The following MAML3 variants were observed in gnomAD, a reference collection of about 807,000 sequenced individuals.
MAML3 encodes mastermind-like protein 3.
A neutral mutation model predicts 101.9 loss-of-function variants in MAML3; 27 were observed. That is an observed-to-expected ratio of 0.27 (90% CI 0.20 to 0.37). MAML3 has a LOEUF of 0.37. MAML3 is among the 10% of genes least tolerant of loss of function. MAML3 has a pLI of 1.00. For missense variants in MAML3, 1,316 were observed against 1,444.9 expected (o/e 0.91, Z 1.45); for synonymous variants, 501 against 555.9 (o/e 0.90, Z 1.39).
chr4:139,888,379 T>C lies in MAML3; in HGVS notation c.2079+978A>G, dbSNP rs369614504. 3.3e-5 allele frequency among the ~76,000 whole-genome samples: 5 copies of C among 152,198 alleles called. No individual in the cohort carries two copies. In the East Asian group the frequency reaches 9.6e-4, roughly 29 times the overall value. ...TCCAAGTAAAATGACCATGTCTGCA[T>C]CCTGGAAGAATTGAGGCACAGCACA... On this transcript the variant is annotated intron_variant, in intron 2 of 4. Coordinates refer to ENST00000509479, the MANE Select transcript of MAML3 (RefSeq NM_018717.5).
At chr4:139,814,084 TATATC>T (rs1197593558) in intron 2 of MAML3, among the ~76,000 whole-genome samples, 2 of 149,564 alleles carry the variant, frequency 1.3e-5, no homozygotes, top group Non-Finnish European at 3.0e-5. Flanking sequence ...AAAGTTGTGA[TATATC>T]AATAAGTAGG....
intron 1 of MAML3, among the ~76,000 whole-genome samples, chr4:139,915,341 TC>T (rs1303996299): frequency 2.2e-4 from 33 of 152,220 alleles, no homozygotes; most frequent in African/African-American, 7.2e-4. Context: ...CAAGTTAATT[TC>T]CTTCAGTTAA....
At chr4:139,876,560 T>C (rs1732119066) in intron 2 of MAML3, among the ~76,000 whole-genome samples, 2 of 152,384 alleles carry the variant, frequency 1.3e-5, no homozygotes, top group South Asian at 2.1e-4. Context: ...ATTCGCAGGC[T>C]TTGAAGTACA....
At chr4:139,955,119 C>T (rs1733894987) in intron 1 of MAML3, among the ~76,000 whole-genome samples, 1 of 152,008 alleles carries the variant, frequency 6.6e-6, no homozygotes. Flanking sequence ...ACTAAAAGGC[C>T]ATCCAACCCC....
chr4:140,148,368 T>G (rs567903043), intron 1 of MAML3, among the ~76,000 whole-genome samples: 1 of 152,134 alleles, frequency 6.6e-6, no homozygotes, highest in Admixed American at 6.5e-5. Flanking sequence ...CACAACCAAA[T>G]AACATAATAG....
intron 1 of MAML3, among the ~76,000 whole-genome samples, chr4:140,131,185 A>C (rs1042433257): frequency 6.6e-6 from 1 of 152,212 alleles, no homozygotes; most frequent in Non-Finnish European, 1.5e-5. Context: ...AGAAGGATGC[A>C]GATATTCCTA....
At chr4:139,895,591 C>CA (rs1272267992) in intron 1 of MAML3, among the ~76,000 whole-genome samples, 1 of 152,156 alleles carries the variant, frequency 6.6e-6, no homozygotes, top group African/African-American at 2.4e-5. Context: ...TTCAGTGATA[C>CA]AAATAGTTAC....
At chr4:139,798,151 C>T (rs752562080) in intron 2 of MAML3, among the ~76,000 whole-genome samples, 10 of 152,028 alleles carry the variant, frequency 6.6e-5, no homozygotes, top group East Asian at 1.9e-4. Flanking sequence ...GGCAGGTATA[C>T]GGGAGTTCAC....
chr4:140,001,510 G>A (rs978749787), intron 1 of MAML3, among the ~76,000 whole-genome samples: 4 of 152,300 alleles, frequency 2.6e-5, no homozygotes, highest in African/African-American at 4.8e-5. Flanking sequence ...TTAAGACACC[G>A]AGCTGGCCCT....
intron 2 of MAML3, among the ~76,000 whole-genome samples, chr4:139,885,853 A>C (rs1305445248): frequency 6.9e-6 from 1 of 145,426 alleles, no homozygotes; most frequent in African/African-American, 2.5e-5. Flanking sequence ...GAATGGCGTG[A>C]ACCCGGGAGG....
intron 1 of MAML3, among the ~76,000 whole-genome samples, chr4:139,974,090 T>C (rs964499107): frequency 1.9e-4 from 28 of 145,348 alleles, no homozygotes; most frequent in Middle Eastern, 3.4e-3. Context: ...AATCAATTTA[T>C]TCTTACATTT....
chr4:139,749,566 C>T (rs530141568), intron 2 of MAML3, among the ~76,000 whole-genome samples: 4 of 152,252 alleles, frequency 2.6e-5, no homozygotes, highest in South Asian at 4.2e-4. Context: ...TGGGGGGCGC[C>T]GATCAGAGAA....
chr4:140,153,774 T>A lies in MAML3; in HGVS notation c.-447A>T. 1 of 162,228 alleles carries A rather than the reference T, an allele frequency of 6.2e-6. No homozygotes were observed. The highest frequency in any genetic ancestry group is 1.3e-5 in the Non-Finnish European group (1 of 74,704). The allele number at this position is 162,228 out of a possible 1,614,324, so 10.0% of individuals were successfully genotyped here. ...CACACCCCATGTACACACACAAGCA[T>A]ATGCCTCCAGTGCGGACACGCGCGA... On this transcript the variant is annotated 5_prime_UTR_variant, in exon 1 of 5. It removes an upstream start codon present in the reference 5' UTR. Coordinates refer to ENST00000509479, the MANE Select transcript of MAML3 (RefSeq NM_018717.5).
chr4:139,782,358 G>T (rs1457220786), intron 2 of MAML3, among the ~76,000 whole-genome samples: 1 of 151,956 alleles, frequency 6.6e-6, no homozygotes, highest in Non-Finnish European at 1.5e-5. Flanking sequence ...TAAAGATGGG[G>T]GTCTCACTAT....
chr4:140,000,855 C>G (rs1175376744), intron 1 of MAML3, among the ~76,000 whole-genome samples: 1 of 152,002 alleles, frequency 6.6e-6, no homozygotes. Flanking sequence ...TGGAGAAACC[C>G]CATCTCTACT....
intron 1 of MAML3, among the ~76,000 whole-genome samples, chr4:139,905,508 A>AAAAAAAAAAAAAAAAC (rs1732808697): frequency 6.6e-6 from 1 of 150,564 alleles, no homozygotes; most frequent in African/African-American, 2.4e-5. Flanking sequence ...AAAAAAAAAA[A>AAAAAAAAAAAAAAAAC]TCAGTTAAAT....
At chr4:140,049,006 AAGAG>A (rs1339173571) in intron 1 of MAML3, among the ~76,000 whole-genome samples, 2 of 152,200 alleles carry the variant, frequency 1.3e-5, no homozygotes, top group South Asian at 2.1e-4. Flanking sequence ...GAGAAAGAAA[AAGAG>A]AGAGGAGCAA....
At chr4:139,841,024 C>T (rs751837271) in intron 2 of MAML3, among the ~76,000 whole-genome samples, 14 of 152,162 alleles carry the variant, frequency 9.2e-5, no homozygotes, top group Non-Finnish European at 1.6e-4. Context: ...GGGTGATCAT[C>T]CTCCATATCC....
rs566625610 is a variant in MAML3, at chr4:139,717,644, T to A, written c.*1679A>T. 6.5e-6 allele frequency: 1 copy of A among 152,728 alleles called. No individual in the cohort carries two copies. Among genetic ancestry groups the A allele is most frequent in the African/African-American group, 2.4e-5 (1 of 41,600 alleles). 9.5% of individuals were successfully genotyped at this position (152,728 alleles called of 1,614,324 possible). ...AAACACCTCTGCCCCCAGCTTTCCA[T>A]GGCAACTCGCCTTCTCAGGACTGAG... On this transcript the variant is annotated 3_prime_UTR_variant, in exon 5 of 5. Transcript: ENST00000509479.
Sources: allele counts gnomAD v4.1 joint callset (sites outside exome capture counted in the v4.1 genomes callset), GRCh38; gene constraint gnomAD v4.1.1; transcripts MANE v1.5; gene names NCBI Gene and HGNC (gene_info 2026-07-23, HGNC 2026-07-21).